The following USP15 variants were observed in gnomAD, a reference collection of about 807,000 sequenced individuals.
USP15 encodes the protein ubiquitin carboxyl-terminal hydrolase 15.
USP15 carries 18 observed loss-of-function variants against 127.1 expected under a neutral mutation model. The observed-to-expected ratio is 0.14, with a 90% CI of 0.10 to 0.21. USP15 has a LOEUF of 0.21. Among genes scored for constraint, USP15 ranks in the 10% least tolerant of loss-of-function variants. The probability of loss-of-function intolerance (pLI) is 1.00; values close to 1 mark genes in which losing one functional copy is unlikely to be tolerated. For synonymous variants in USP15, 364 were observed against 393.7 expected, an observed-to-expected ratio of 0.92 and a Z score of 0.89; for missense variants, 805 against 1,159.9, an observed-to-expected ratio of 0.69 and a Z score of 4.44.
intron 2 of USP15, 117 bp downstream of exon 2, chr12:62,294,423 A>C (rs2064068291): frequency 8.8e-7 from 1 of 1,136,382 alleles, no homozygotes; most frequent in Non-Finnish European, 1.2e-6. Flanking sequence ...TTTGCATTAC[A>C]GATTTTACCT....
chr12:62,287,036 A>G (rs1364305265), intron 1 of USP15, among the ~76,000 whole-genome samples: 1 of 152,158 alleles, frequency 6.6e-6, no homozygotes, highest in Non-Finnish European at 1.5e-5. Flanking sequence ...ATGCAGCTGG[A>G]GGCCATTATT....
intron 4 of USP15, among the ~76,000 whole-genome samples, chr12:62,318,853 C>A (rs2064906584): frequency 6.6e-6 from 1 of 152,114 alleles, no homozygotes; most frequent in African/African-American, 2.4e-5. Context: ...TCTTTTATTT[C>A]TCACCCTTCA....
At chr12:62,277,719 A>G (rs889144636) in intron 1 of USP15, 43 of 150,036 alleles carry the variant, frequency 2.9e-4, no homozygotes, top group African/African-American at 9.6e-4. Flanking sequence ...AAAAAAAATC[A>G]CAAAAAAATC....
chr12:62,401,214 A>T lies in USP15; in HGVS notation c.2702A>T (p.Asp901Val), dbSNP rs2067677360. The T allele has an allele frequency of 1.2e-6, 2 of 1,611,574 alleles. No individual in the cohort carries two copies. Among genetic ancestry groups the T allele is most frequent in the Non-Finnish European group, 1.7e-6 (2 of 1,178,716 alleles). The change falls in exon 21 of 22, where the codon GAT becomes GTT. Residue 901 changes from aspartate to valine, a missense_variant. Asp to Val is a radical substitution (Grantham distance 152). This residue lies in a region of USP15 where 116 missense variants were observed against 157.2 expected (regional missense o/e 0.74). Coordinates refer to ENST00000280377, the MANE Select transcript of USP15 (RefSeq NM_001252078.2). ...HYTAFAKNKD[D>V]GKWYYFDDSS... ...ACTGCTTTTGCAAAAAATAAAGATG[A>T]TGGAAAATGGTACTATTTTGATGAC...
chr12:62,283,611 T>A (rs2063711816), intron 1 of USP15, among the ~76,000 whole-genome samples: 2 of 152,174 alleles, frequency 1.3e-5, no homozygotes. Flanking sequence ...GTAAAACTAC[T>A]AAGAGTTCAG....
chr12:62,302,682 G>A (rs909524575), intron 2 of USP15, 108 bp from the exon 3 acceptor site: 2 of 1,271,754 alleles, frequency 1.6e-6, no homozygotes, highest in Admixed American at 4.7e-5. Flanking sequence ...TTGCTTTAGA[G>A]CTTAAAACTT....
At chr12:62,284,190 C>T (rs1044703821) in intron 1 of USP15, among the ~76,000 whole-genome samples, 1 of 152,208 alleles carries the variant, frequency 6.6e-6, no homozygotes, top group African/African-American at 2.4e-5. Context: ...TGTCCCTCAA[C>T]TTTGTAAGTG....
At chr12:62,388,598 A>G (rs182049692) in intron 11 of USP15, among the ~76,000 whole-genome samples, 1 of 152,372 alleles carries the variant, frequency 6.6e-6, no homozygotes, top group Admixed American at 6.5e-5. Flanking sequence ...ACATGTGAAC[A>G]GCTCTGAGAA....
chr12:62,356,621 A>G (rs1172828770), intron 8 of USP15, among the ~76,000 whole-genome samples: 1 of 152,024 alleles, frequency 6.6e-6, no homozygotes, highest in Non-Finnish European at 1.5e-5. Flanking sequence ...GCCTAAGCAG[A>G]TAGGTTAATA....
intron 6 of USP15, chr12:62,335,752 T>TA (rs2065442886): frequency 1.0e-6 from 1 of 985,370 alleles, no homozygotes; most frequent in African/African-American, 1.7e-5. Flanking sequence ...AGGCTATACT[T>TA]AATGTTGCTT....
In USP15 at chr12:62,389,837, G is replaced by T. The variant is rs1229664119; in HGVS notation, c.1693G>T (p.Val565Leu). The T allele has an allele frequency of 3.1e-6, 5 of 1,613,536 alleles. No homozygotes were observed. The African/African-American group carries it at 4.0e-5, about 13-fold the overall frequency. The change falls in exon 14 of 22, where the codon GTG becomes TTG. Residue 565 changes from valine (V) to leucine (L), a missense_variant. This residue lies in a region of USP15 where 82 missense variants were observed against 104.4 expected (regional missense o/e 0.79). Transcript: ENST00000280377. ...CAATAGGACAGAAGATACAGAGCACGTGATTATTCCTGTTTGCCTAAGAGA... is the reference window on the plus strand; with the variant it reads ...CAATAGGACAGAAGATACAGAGCACTTGATTATTCCTGTTTGCCTAAGAGA... ...NINRTEDTEH[V>L]IIPVCLREKF...
chr12:62,360,168 G>A (rs1274430138), intron 8 of USP15, among the ~76,000 whole-genome samples: 2 of 151,996 alleles, frequency 1.3e-5, no homozygotes, highest in East Asian at 3.9e-4. Context: ...AAGCAGCATG[G>A]CATAAGATGG....
At chr12:62,348,168 A>G (rs976261227) in intron 6 of USP15, among the ~76,000 whole-genome samples, 2 of 152,170 alleles carry the variant, frequency 1.3e-5, no homozygotes, top group Non-Finnish European at 2.9e-5. Context: ...TGATTGTGTC[A>G]CTGCCCCCCA....
At chr12:62,384,500 G>C (rs1258186101) in intron 11 of USP15, among the ~76,000 whole-genome samples, 198 bp downstream of exon 11, 2 of 151,528 alleles carry the variant, frequency 1.3e-5, no homozygotes, top group Non-Finnish European at 3.0e-5. Context: ...AGTCTTGAAA[G>C]AGCAACGTGT....
chr12:62,347,277 GAAGAAA>G (rs1255528679), intron 6 of USP15, among the ~76,000 whole-genome samples: 1 of 150,906 alleles, frequency 6.6e-6, no homozygotes, highest in African/African-American at 2.4e-5. Context: ...CCACAGATGA[GAAGAAA>G]AAGAAAAAAG....
At chr12:62,353,782 A>C (rs1490407003) in intron 7 of USP15, among the ~76,000 whole-genome samples, 1 of 152,006 alleles carries the variant, frequency 6.6e-6, no homozygotes, top group Non-Finnish European at 1.5e-5. Flanking sequence ...GGCGCTTTGT[A>C]CTTTATTAGT....
In USP15 at chr12:62,407,591, A is replaced by G. The variant is rs1243474894; in HGVS notation, c.*3216A>G. The G allele has an allele frequency of 1.3e-5, 2 of 152,208 alleles. No homozygotes were observed. The highest frequency in any genetic ancestry group is 2.9e-5 in the Non-Finnish European group (2 of 68,042). The allele number at this position is 152,208 out of a possible 1,614,324, so 9.4% of individuals were successfully genotyped here. On this transcript the variant is annotated 3_prime_UTR_variant, in exon 22 of 22. Transcript: ENST00000280377. Reference sequence around the variant, plus strand: ...AAAATTAATTTCATTTAATTTATATACCTTTATTACAATTTTAATTAAATG... The same window carrying G: ...AAAATTAATTTCATTTAATTTATATGCCTTTATTACAATTTTAATTAAATG...
intron 3 of USP15, among the ~76,000 whole-genome samples, chr12:62,311,507 A>C (rs1232937645): frequency 6.6e-6 from 1 of 151,812 alleles, no homozygotes; most frequent in African/African-American, 2.4e-5. Context: ...AGCCGTAAAC[A>C]TAAATGAATG....
At chr12:62,307,268 T>C (rs933015584) in intron 3 of USP15, among the ~76,000 whole-genome samples, 2 of 152,142 alleles carry the variant, frequency 1.3e-5, no homozygotes, top group African/African-American at 4.8e-5. Context: ...AAGCATGTGC[T>C]AATGCATGAA....
Sources: gnomAD v4.1 joint callset for allele counts (sites outside exome capture counted in the v4.1 genomes callset) on GRCh38, gnomAD v4.1.1 for gene constraint, gnomAD v4.1.1 regional missense constraint, MANE v1.5 for transcripts, NCBI Gene and HGNC (gene_info 2026-07-23, HGNC 2026-07-21) for gene names.